WWP2: variants seen among roughly 807,000 people sequenced by gnomAD.
WWP2 encodes WW domain containing E3 ubiquitin protein ligase 2, also known as NEDD4-like E3 ubiquitin-protein ligase WWP2.
Under a neutral mutation model 121.0 loss-of-function variants are expected in WWP2, and 57 were observed. The observed-to-expected ratio is 0.47, with a 90% confidence interval of 0.38 to 0.59. The LOEUF is 0.59. Ranked by LOEUF, WWP2 falls within the 20% of genes least tolerant of loss-of-function variation. The pLI, the probability that WWP2 is intolerant of heterozygous loss-of-function variation, is 0.00. For synonymous variants in WWP2, 449 were observed against 441.3 expected (o/e 1.02, Z -0.22); for missense variants, 962 against 1,158.9 (o/e 0.83, Z 2.47).
chr16:69,875,977 G>A (rs1284831531), intron 7 of WWP2, among the ~76,000 whole-genome samples: 5 of 151,876 alleles, frequency 3.3e-5, no homozygotes, highest in African/African-American at 9.7e-5. Context: ...TTTTTGAGAT[G>A]GAGTTTTGCT....
At position 69,880,659 on chromosome 16, in the gene WWP2, G is replaced by A. The variant is rs552988667; in HGVS notation, c.704-7380G>A. ...ATATGAGCTTCACTCATCCCATGCC[G>A]TGCTAATTACGAAATCTTTGTCCAG... is the stretch of plus-strand genomic sequence containing the variant. On this transcript the variant is annotated intron_variant, in intron 7 of 23. Transcript: ENST00000359154. Among the ~76,000 whole-genome samples the A allele has an allele frequency of 3.5e-4, 53 of 152,266 alleles. 1 individual carries two copies. Among genetic ancestry groups the A allele is most frequent in the African/African-American group, 9.9e-4 (41 of 41,534 alleles).
At chr16:69,897,214 C>G (rs922583801) in intron 8 of WWP2, among the ~76,000 whole-genome samples, 1 of 151,960 alleles carries the variant, frequency 6.6e-6, no homozygotes, top group Non-Finnish European at 1.5e-5. Flanking sequence ...GTGATCCTCT[C>G]GCTTCAGCCT....
At chr16:69,831,381 A>G (rs992140306) in intron 4 of WWP2, among the ~76,000 whole-genome samples, 3 of 152,234 alleles carry the variant, frequency 2.0e-5, no homozygotes, top group African/African-American at 7.2e-5. Context: ...GAAACTCTCC[A>G]GGCAAGAGTT....
intron 12 of WWP2, 68 bp downstream of exon 12, chr16:69,929,597 G>T (rs2058684906): frequency 6.9e-7 from 1 of 1,454,374 alleles, no homozygotes; most frequent in African/African-American, 1.4e-5. Context: ...CACTGGGCAG[G>T]TGGCTTTGGA....
At chr16:69,774,597 TCA>T (rs759721883) in intron 1 of WWP2, 2 of 152,210 alleles carry the variant, frequency 1.3e-5, no homozygotes, top group Non-Finnish European at 2.9e-5. Flanking sequence ...GCAGATACTC[TCA>T]GTTTCTTCCT....
In WWP2 at chr16:69,937,198, C is replaced by G; in HGVS notation, c.2198C>G (p.Pro733Arg). Reference sequence around the variant, plus strand: ...CTGGATGGCTTCAACGAGGTGGCCCCGCTGGAGTGGCTGCGCTACTTTGAC... The same window carrying G: ...CTGGATGGCTTCAACGAGGTGGCCCGGCTGGAGTGGCTGCGCTACTTTGAC... ...AFLDGFNEVAPLEWLRYFDEK... is the reference protein window; with the variant it reads ...AFLDGFNEVARLEWLRYFDEK... The change falls in exon 20 of 24, where the codon CCG (proline) becomes CGG (arginine). Residue 733 changes from proline (P) to arginine (R), a missense_variant. Physicochemically the swap from Pro to Arg is moderately radical, Grantham distance 103. This residue lies in a region of WWP2 where 606 missense variants were observed against 772.6 expected (regional missense o/e 0.78). Coordinates refer to ENST00000359154, the MANE Select transcript of WWP2 (RefSeq NM_001270454.2). The surrounding 1 kb of genome is among the most constrained non-coding windows in gnomAD (Gnocchi z 6.6). The G allele has an allele frequency of 5.6e-6, 9 of 1,613,870 alleles. No homozygotes were observed. Among genetic ancestry groups the G allele is most frequent in the Non-Finnish European group, 7.6e-6 (9 of 1,179,970 alleles).
Position 69,936,030 on chromosome 16 carries a change from C to T in WWP2, c.1976+44C>T, listed in dbSNP as rs764339705. On this transcript the variant is annotated intron_variant, in intron 18 of 23. Coordinates refer to ENST00000359154, the MANE Select transcript of WWP2 (RefSeq NM_001270454.2). ...TGCCCCACCGCGCTGATAGGAGGGA[C>T]GTCTCTGGGTGGGAAGCAGGTACTG... The T allele has an allele frequency of 1.4e-5, 23 of 1,601,808 alleles. 1 individual carries two copies. The highest frequency in any genetic ancestry group is 1.7e-4 in the Middle Eastern group (1 of 5,992).
rs1297065506 is a variant in WWP2, at chr16:69,940,874, C to T, written c.*934C>T. 6.5e-6 allele frequency: 1 copy of T among 153,708 alleles called. No homozygotes were observed. The highest frequency in any genetic ancestry group is 1.5e-5 in the Non-Finnish European group (1 of 68,062). 9.5% of individuals were successfully genotyped at this position (153,708 alleles called of 1,614,324 possible). A position where few individuals can be genotyped will look rare whatever the true frequency, so the allele number is the denominator to read the frequency against. ...GGCAGAATGAGAGGGGTTGAGGTCC[C>T]GAGCGCCACTCCTAGCCTTGCCGCC... On this transcript the variant is annotated 3_prime_UTR_variant, in exon 24 of 24. Coordinates refer to ENST00000359154, the MANE Select transcript of WWP2 (RefSeq NM_001270454.2).
At chr16:69,797,048 A>G (rs1006747914) in intron 2 of WWP2, among the ~76,000 whole-genome samples, 4 of 152,198 alleles carry the variant, frequency 2.6e-5, no homozygotes, top group South Asian at 2.1e-4. Context: ...CATCAGTTGT[A>G]TCTCTGATTT....
intron 1 of WWP2, among the ~76,000 whole-genome samples, chr16:69,770,079 C>G (rs1173983573): frequency 6.6e-6 from 1 of 152,104 alleles, no homozygotes; most frequent in Admixed American, 6.6e-5. Flanking sequence ...CCAGGCTGGT[C>G]TCGAACTCCT....
chr16:69,843,742 G>A (rs924895947), intron 6 of WWP2, among the ~76,000 whole-genome samples: 2 of 152,034 alleles, frequency 1.3e-5, no homozygotes, highest in Admixed American at 6.6e-5. Context: ...GGTAGTGTGT[G>A]CCTGTAGTCC....
At chr16:69,930,043 A>G (rs2058690395) in intron 12 of WWP2, 87 bp from the exon 13 acceptor site, 2 of 1,590,898 alleles carry the variant, frequency 1.3e-6, no homozygotes, top group Non-Finnish European at 1.7e-6. Flanking sequence ...CTGCAGAGAC[A>G]AAGCCACACT....
In WWP2 at chr16:69,939,137, C is replaced by T. The variant is rs778917940; in HGVS notation, c.2440+14C>T. 13 of 1,586,468 alleles carry T rather than the reference C, an allele frequency of 8.2e-6. No individual in the cohort carries two copies. The highest frequency in any genetic ancestry group is 2.7e-5 in the African/African-American group (2 of 74,290). On this transcript the variant is annotated intron_variant, in intron 22 of 23. Coordinates refer to ENST00000359154, the MANE Select transcript of WWP2 (RefSeq NM_001270454.2). Reference sequence around the variant, plus strand: ...CCGAACTCATCGGTATGTTTTCTCTCGCCCTCTGGCGTCCTGGCTGGCAGT... The same window carrying T: ...CCGAACTCATCGGTATGTTTTCTCTTGCCCTCTGGCGTCCTGGCTGGCAGT...
At chr16:69,852,298 A>G (rs2057231222) in intron 6 of WWP2, among the ~76,000 whole-genome samples, 1 of 150,586 alleles carries the variant, frequency 6.6e-6, no homozygotes, top group African/African-American at 2.4e-5. Flanking sequence ...TTTTTTTGAG[A>G]AAGAGCCTCA....
At chr16:69,788,359 C>T (rs1403760103) in intron 2 of WWP2, among the ~76,000 whole-genome samples, 1 of 152,218 alleles carries the variant, frequency 6.6e-6, no homozygotes. Flanking sequence ...TGTCACTCCT[C>T]TGCTCAAACC....
At chr16:69,929,014 A>G (rs2151987304) in intron 11 of WWP2, among the ~76,000 whole-genome samples, 1 of 152,304 alleles carries the variant, frequency 6.6e-6, no homozygotes, top group East Asian at 1.9e-4. Flanking sequence ...CGCCCAGGTT[A>G]GCTGCATGCA....
At position 69,884,089 on chromosome 16, in the gene WWP2, G is replaced by A. The variant is rs540163298; in HGVS notation, c.704-3950G>A. ...CAAGGCCCACTGTTGTGTTTCTTGC[G>A]GTTCTTTCAAAGATATTCTTGGAAT... On this transcript the variant is annotated intron_variant, in intron 7 of 23. Transcript: ENST00000359154. Among the ~76,000 whole-genome samples, 5 of 152,016 alleles carry A rather than the reference G, an allele frequency of 3.3e-5. No homozygotes were observed. In the South Asian group the frequency reaches 8.3e-4, roughly 25 times the overall value.
chr16:69,791,416 C>T (rs1175249351), intron 2 of WWP2, among the ~76,000 whole-genome samples: 1 of 151,962 alleles, frequency 6.6e-6, no homozygotes, highest in Non-Finnish European at 1.5e-5. Context: ...TTAGTAGAGA[C>T]AGGGTTTCAC....
chr16:69,912,213 C>T (rs761330365), intron 9 of WWP2, among the ~76,000 whole-genome samples: 1 of 151,846 alleles, frequency 6.6e-6, no homozygotes, highest in African/African-American at 2.4e-5. Context: ...TGTTTGAACC[C>T]CAGCGGCGGA....
Sources: gnomAD v4.1 joint callset for allele counts (sites outside exome capture counted in the v4.1 genomes callset) on GRCh38, gnomAD v4.1.1 for gene constraint, gnomAD v4.1.1 regional missense constraint, Gnocchi (gnomAD v3.1) non-coding constraint, MANE v1.5 for transcripts, NCBI Gene and HGNC (gene_info 2026-07-23, HGNC 2026-07-21) for gene names.